The following TMEM132D variants were observed in gnomAD, a reference collection of about 807,000 sequenced individuals.
TMEM132D encodes the protein mature OL transmembrane protein.
TMEM132D carries 21 observed loss-of-function variants against 62.3 expected under a neutral mutation model. The observed-to-expected ratio is 0.34, with a 90% CI of 0.24 to 0.49. The LOEUF is 0.49. Among genes scored for constraint, TMEM132D ranks in the 20% least tolerant of loss-of-function variants. TMEM132D has a pLI of 0.99. For missense variants in TMEM132D, 1,346 were observed against 1,402.8 expected, an observed-to-expected ratio of 0.96 and a Z score of 0.65; for synonymous variants, 621 against 575.6, an observed-to-expected ratio of 1.08 and a Z score of -1.13.
At chr12:129,174,981 G>T (rs968721132) in intron 5 of TMEM132D, among the ~76,000 whole-genome samples, 1 of 151,982 alleles carries the variant, frequency 6.6e-6, no homozygotes, top group Non-Finnish European at 1.5e-5. Context: ...CTAGACCTTT[G>T]TCAGATGGGT....
In TMEM132D at chr12:129,209,733, C is replaced by G. The variant is rs1878973150; in HGVS notation, c.1300-70G>C. 4.4e-6 allele frequency: 7 copies of G among 1,584,028 alleles called. No individual in the cohort carries two copies. In the East Asian group the frequency reaches 1.6e-4, roughly 36 times the overall value. ...GGCCCAGTCCCTGGGAGTATGCCGC[C>G]TGCCTTTCCTCAGCCTCCCTGCAAA... On this transcript the variant is annotated intron_variant, in intron 4 of 8. Coordinates refer to ENST00000422113, the MANE Select transcript of TMEM132D (RefSeq NM_133448.3).
intron 3 of TMEM132D, among the ~76,000 whole-genome samples, chr12:129,467,550 T>G (rs1566079261): frequency 2.0e-5 from 3 of 152,332 alleles, no homozygotes; most frequent in South Asian, 2.1e-4. Flanking sequence ...CACCTGCTAC[T>G]GTGGTGGAAC....
chr12:129,797,005 C>T (rs1871582720), intron 1 of TMEM132D, among the ~76,000 whole-genome samples: 1 of 152,224 alleles, frequency 6.6e-6, no homozygotes, highest in Non-Finnish European at 1.5e-5. Context: ...TCTTTTAACA[C>T]CGGCTTGTTT....
intron 1 of TMEM132D, chr12:129,853,007 A>T (rs1329962103): frequency 6.6e-6 from 1 of 152,030 alleles, no homozygotes; most frequent in African/African-American, 2.4e-5. Flanking sequence ...CTGCCACGAA[A>T]CTCCAGTGTA....
intron 1 of TMEM132D, among the ~76,000 whole-genome samples, chr12:129,820,204 C>T (rs562376503): frequency 9.4e-4 from 143 of 152,316 alleles, no homozygotes; most frequent in African/African-American, 3.3e-3. Flanking sequence ...GAAAGACCAT[C>T]TTGCCTCCCT....
At chr12:129,889,920 G>A (rs1391301923) in intron 1 of TMEM132D, among the ~76,000 whole-genome samples, 4 of 152,102 alleles carry the variant, frequency 2.6e-5, no homozygotes, top group African/African-American at 9.7e-5. Context: ...ATCATGAACG[G>A]GAATGCGAGA....
At chr12:129,471,185 C>G (rs182156184) in intron 3 of TMEM132D, among the ~76,000 whole-genome samples, 1 of 148,358 alleles carries the variant, frequency 6.7e-6, no homozygotes, top group East Asian at 2.0e-4. Flanking sequence ...TTGCACTTCA[C>G]TTTATCGTGT....
In TMEM132D at chr12:129,376,603, A is replaced by G. The variant is rs77471326; in HGVS notation, c.1116-38786T>C. 8.1e-3 allele frequency among the ~76,000 whole-genome samples: 1,226 copies of G among 152,290 alleles called. 35 individuals carry two copies. In the East Asian group the frequency reaches 0.087, roughly 11 times the overall value. On this transcript the variant is annotated intron_variant, in intron 3 of 8. Coordinates refer to ENST00000422113, the MANE Select transcript of TMEM132D (RefSeq NM_133448.3). ...TTTGTAAGCTTAAGCCCTAACCCCC[A>G]GTACCTCAGTATGTGATGACTTAGA...
chr12:129,488,911 TGATA>T (rs1259398980), intron 3 of TMEM132D, among the ~76,000 whole-genome samples: 1 of 151,994 alleles, frequency 6.6e-6, no homozygotes, highest in African/African-American at 2.4e-5. Context: ...CCTGCCTGGG[TGATA>T]GATAGGCTCA....
At chr12:129,481,323 C>T (rs982025914) in intron 3 of TMEM132D, among the ~76,000 whole-genome samples, 8 of 151,852 alleles carry the variant, frequency 5.3e-5, no homozygotes, top group African/African-American at 1.7e-4. Flanking sequence ...ATTAGCCGGG[C>T]GTGGTAAAGC....
At position 129,745,247 on chromosome 12, in the gene TMEM132D, T is replaced by C. The variant is rs951097699; in HGVS notation, c.80-44549A>G. Among the ~76,000 whole-genome samples the C allele has an allele frequency of 5.3e-5, 8 of 152,204 alleles. No individual in the cohort carries two copies. The East Asian group carries it at 5.8e-4, about 11-fold the overall frequency. On this transcript the variant is annotated intron_variant, in intron 1 of 8. Coordinates refer to ENST00000422113, the MANE Select transcript of TMEM132D (RefSeq NM_133448.3). ...TATATAACATCCCTTCAAAACCAATTCTTAGAGACTGGCTGGAAGTGCTGG... is the reference window on the plus strand; with the variant it reads ...TATATAACATCCCTTCAAAACCAATCCTTAGAGACTGGCTGGAAGTGCTGG...
At chr12:129,509,369 A>T (rs1875432064) in intron 3 of TMEM132D, among the ~76,000 whole-genome samples, 1 of 152,174 alleles carries the variant, frequency 6.6e-6, no homozygotes, top group South Asian at 2.1e-4. Flanking sequence ...CTAGGTATAT[A>T]TGTTTATGGG....
intron 2 of TMEM132D, among the ~76,000 whole-genome samples, chr12:129,638,822 G>T (rs1160345392): frequency 6.6e-6 from 1 of 151,986 alleles, no homozygotes; most frequent in African/African-American, 2.4e-5. Context: ...CCGCAATTAT[G>T]AATCTAAAAA....
intron 1 of TMEM132D, among the ~76,000 whole-genome samples, chr12:129,738,395 A>G (rs1869494016): frequency 6.6e-6 from 1 of 152,192 alleles, no homozygotes; most frequent in Non-Finnish European, 1.5e-5. Flanking sequence ...AAGAAAAAAG[A>G]AAAGGAAAAA....
chr12:129,302,677 C>G (rs1881750641), intron 4 of TMEM132D, among the ~76,000 whole-genome samples: 1 of 152,206 alleles, frequency 6.6e-6, no homozygotes, highest in African/African-American at 2.4e-5. Context: ...GCGTATTTTT[C>G]TCATAATCAT....
intron 2 of TMEM132D, chr12:129,681,478 C>T (rs908418872): frequency 2.0e-5 from 3 of 152,174 alleles, no homozygotes; most frequent in African/African-American, 7.2e-5. Context: ...TGGAAGACAG[C>T]TCACCTGGTT....
At chr12:129,388,370 CTGA>C (rs199814184) in intron 3 of TMEM132D, among the ~76,000 whole-genome samples, 10,379 of 85,906 alleles carry the variant, frequency 0.12, 1,943 homozygotes, top group East Asian at 0.19. Context: ...CAATCCAGCA[CTGA>C]TGATAATATT....
rs116425796 is a variant in TMEM132D, at chr12:129,263,366, T to C, written c.1300-53703A>G. On this transcript the variant is annotated intron_variant, in intron 4 of 8. Coordinates refer to ENST00000422113, the MANE Select transcript of TMEM132D (RefSeq NM_133448.3). The stretch of plus-strand genomic sequence containing the variant: ...TAAGGTTGACAATGTTCTAAGTGCC[T>C]AGCTTACTTCACCAAATGCTATCTT... Among the ~76,000 whole-genome samples the C allele has an allele frequency of 4.8e-3, 724 of 152,328 alleles. 4 individuals carry two copies. Among genetic ancestry groups the C allele is most frequent in the African/African-American group, 0.016 (658 of 41,582 alleles).
intron 5 of TMEM132D, among the ~76,000 whole-genome samples, chr12:129,086,324 G>A (rs929344925): frequency 6.6e-6 from 1 of 152,068 alleles, no homozygotes; most frequent in African/African-American, 2.4e-5. Context: ...TGAAGCCTGG[G>A]CTTTTAGTGT....
Sources: gnomAD v4.1 joint callset for allele counts (sites outside exome capture counted in the v4.1 genomes callset) on GRCh38, gnomAD v4.1.1 for gene constraint, MANE v1.5 for transcripts, NCBI Gene and HGNC (gene_info 2026-07-23, HGNC 2026-07-21) for gene names.